Variants in BRINP1 observed in about 807,000 individuals in gnomAD.
BRINP1 encodes the protein BMP/retinoic acid inducible neural specific 1.
Under a neutral mutation model 72.9 loss-of-function variants are expected in BRINP1, and 17 were observed. The ratio of observed to expected loss-of-function variants is 0.23; its 90% CI spans 0.16 to 0.35. The LOEUF (loss-of-function observed/expected upper bound fraction) is 0.35, where lower values mean the gene tolerates loss of function less well. BRINP1 is among the 10% of genes least tolerant of loss of function. The pLI is 1.00. For missense variants in BRINP1, 850 were observed against 1,001.6 expected (o/e 0.85, Z 2.04); for synonymous variants, 418 against 378.5 (o/e 1.10, Z -1.21).
At chr9:119,286,370 C>A (rs1281529573) in intron 2 of BRINP1, among the ~76,000 whole-genome samples, 1 of 151,928 alleles carries the variant, frequency 6.6e-6, no homozygotes, top group South Asian at 2.1e-4. Context: ...GTAGCTGGGA[C>A]TACAGGCGCC....
chr9:119,296,688 A>G (rs2118978180), intron 2 of BRINP1, among the ~76,000 whole-genome samples: 1 of 152,338 alleles, frequency 6.6e-6, no homozygotes, highest in Non-Finnish European at 1.5e-5. Context: ...AACCTTTAAA[A>G]AGAAAGAAAT....
intron 1 of BRINP1, among the ~76,000 whole-genome samples, chr9:119,320,537 G>T (rs1470471662): frequency 6.6e-6 from 1 of 152,136 alleles, no homozygotes; most frequent in East Asian, 1.9e-4. Context: ...AGTGCGAAGT[G>T]CTCCGAACAA....
In BRINP1 at chr9:119,167,420, G is replaced by C; in HGVS notation, c.1950C>G (p.Ile650Met). 2 of 1,614,054 alleles carry C rather than the reference G, an allele frequency of 1.2e-6. No homozygotes were observed. The highest frequency in any genetic ancestry group is 4.5e-5 in the East Asian group (2 of 44,862). ...CAAACACCTGCACGTCTGAGATCTT[G>C]ATGTAGAACTGCCTCTTGGAGGGAT... Reference protein sequence around the residue: ...LSDPSKRQFYIKISDVQVFGY... With the variant: ...LSDPSKRQFYMKISDVQVFGY... The change falls in exon 8 of 8, where the codon ATC becomes ATG. Residue 650 changes from isoleucine (I) to methionine (M), a missense_variant. Physicochemically the swap from Ile to Met is conservative, Grantham distance 10. Coordinates refer to ENST00000265922, the MANE Select transcript of BRINP1 (RefSeq NM_014618.3). The surrounding 1 kb of genome is among the most constrained non-coding windows in gnomAD (Gnocchi z 4.3).
At chr9:119,194,291 T>C (rs1829710906) in intron 7 of BRINP1, among the ~76,000 whole-genome samples, 1 of 152,180 alleles carries the variant, frequency 6.6e-6, no homozygotes, top group African/African-American at 2.4e-5. Context: ...CAGAACAGTA[T>C]ATGTTATGAG....
rs148819545 is a variant in BRINP1, at chr9:119,193,881, G to A, written c.1145+14838C>T. Among the ~76,000 whole-genome samples the A allele has an allele frequency of 5.1e-3, 781 of 152,300 alleles. 1 individual carries two copies. Among genetic ancestry groups the A allele is most frequent in the Non-Finnish European group, 8.8e-3 (600 of 68,028 alleles). On this transcript the variant is annotated intron_variant, in intron 7 of 7. Coordinates refer to ENST00000265922, the MANE Select transcript of BRINP1 (RefSeq NM_014618.3). Reference sequence around the variant, plus strand: ...TTGACCAATGTAGTAAGCCAGAAGTGATTCACATAGTTTATAGGTGTGGGC... The same window carrying A: ...TTGACCAATGTAGTAAGCCAGAAGTAATTCACATAGTTTATAGGTGTGGGC...
At chr9:119,330,617 A>T (rs1831289949) in intron 1 of BRINP1, among the ~76,000 whole-genome samples, 1 of 152,182 alleles carries the variant, frequency 6.6e-6, no homozygotes, top group African/African-American at 2.4e-5. Flanking sequence ...AGCATCCTAA[A>T]GGTAAGGCCC....
chr9:119,318,135 T>A (rs762840493), intron 1 of BRINP1, among the ~76,000 whole-genome samples: 2 of 152,216 alleles, frequency 1.3e-5, no homozygotes, highest in Non-Finnish European at 2.9e-5. Context: ...TTTAGAAAAC[T>A]AGCTACTCTC....
chr9:119,286,072 T>C lies in BRINP1; in HGVS notation c.218+27066A>G, dbSNP rs558378939. Among the ~76,000 whole-genome samples the C allele has an allele frequency of 5.3e-5, 8 of 152,252 alleles. No homozygotes were observed. In the East Asian group the frequency reaches 1.5e-3, roughly 29 times the overall value. ...ATCATCATTAATATGAATATCAGCA[T>C]TGACACCAGCTGGAGATACTATTAT... On this transcript the variant is annotated intron_variant, in intron 2 of 7. Transcript: ENST00000265922.
At chr9:119,306,369 C>T (rs944539625) in intron 2 of BRINP1, among the ~76,000 whole-genome samples, 2 of 152,302 alleles carry the variant, frequency 1.3e-5, no homozygotes, top group African/African-American at 4.8e-5. Context: ...TATCCTCCTC[C>T]ACTTTTATCT....
intron 3 of BRINP1, among the ~76,000 whole-genome samples, chr9:119,248,167 C>G (rs956910623): frequency 6.6e-6 from 1 of 152,202 alleles, no homozygotes; most frequent in Admixed American, 6.5e-5. Context: ...ATATGCCAAT[C>G]TCTCCTAGTG....
In BRINP1 at chr9:119,332,729, C is replaced by G. The variant is rs188506928; in HGVS notation, c.-50-19324G>C. On this transcript the variant is annotated intron_variant, in intron 1 of 7. Transcript: ENST00000265922. The stretch of plus-strand genomic sequence containing the variant: ...AGCCAAGATTAGAGTAGAGCACCCC[C>G]CTTCCCCACTGAACTGCAGGAGCAA... Among the ~76,000 whole-genome samples, 144 of 152,262 alleles carry G rather than the reference C, an allele frequency of 9.5e-4. 1 individual carries two copies. Among genetic ancestry groups the G allele is most frequent in the East Asian group, 1.5e-3 (8 of 5,174 alleles).
intron 7 of BRINP1, among the ~76,000 whole-genome samples, chr9:119,168,742 C>T (rs74332887): frequency 0.02 from 2,534 of 126,184 alleles, 54 homozygotes; most frequent in African/African-American, 0.061. Flanking sequence ...TTTTATCATA[C>T]GCTAGAAATC....
intron 2 of BRINP1, among the ~76,000 whole-genome samples, chr9:119,252,397 G>A (rs2096689997): frequency 6.6e-6 from 1 of 152,082 alleles, no homozygotes; most frequent in Non-Finnish European, 1.5e-5. Context: ...ACACAGCAAT[G>A]AGAAATGCCA....
At chr9:119,345,681 T>C (rs553304466) in intron 1 of BRINP1, among the ~76,000 whole-genome samples, 1 of 152,310 alleles carries the variant, frequency 6.6e-6, no homozygotes, top group Admixed American at 6.5e-5. Context: ...TCTTCCAAGT[T>C]TACTCAACTA....
intron 7 of BRINP1, among the ~76,000 whole-genome samples, chr9:119,187,208 C>T (rs1038178439): frequency 2.6e-5 from 4 of 151,812 alleles, no homozygotes; most frequent in African/African-American, 7.3e-5. Flanking sequence ...TCATAGGACC[C>T]CAGTTCCATT....
chr9:119,343,199 G>A (rs1029739902), intron 1 of BRINP1, among the ~76,000 whole-genome samples: 1 of 152,136 alleles, frequency 6.6e-6, no homozygotes, highest in Non-Finnish European at 1.5e-5. Flanking sequence ...CAGGTGTGAC[G>A]GGAGAAGGAC....
At chr9:119,238,940 A>G (rs1362879491) in intron 4 of BRINP1, among the ~76,000 whole-genome samples, 180 bp from the exon 5 acceptor site, 2 of 152,208 alleles carry the variant, frequency 1.3e-5, no homozygotes, top group Non-Finnish European at 2.9e-5. Context: ...CTGAGTAGAC[A>G]GGTAAGCAGG....
At chr9:119,195,172 C>T (rs1055080365) in intron 7 of BRINP1, among the ~76,000 whole-genome samples, 1 of 152,134 alleles carries the variant, frequency 6.6e-6, no homozygotes, top group African/African-American at 2.4e-5. Context: ...TCTTCTAGAT[C>T]TTGAGCTGTC....
At chr9:119,284,638 G>A (rs1315481774) in intron 2 of BRINP1, among the ~76,000 whole-genome samples, 1 of 152,074 alleles carries the variant, frequency 6.6e-6, no homozygotes, top group Non-Finnish European at 1.5e-5. Context: ...ACCCTGTGCT[G>A]CTGAAAATGG....
Sources: allele counts gnomAD v4.1 joint callset (sites outside exome capture counted in the v4.1 genomes callset), GRCh38; gene constraint gnomAD v4.1.1; non-coding constraint Gnocchi (gnomAD v3.1); transcripts MANE v1.5; gene names NCBI Gene and HGNC (gene_info 2026-07-23, HGNC 2026-07-21).